Variants in SLC17A8 observed in about 807,000 individuals in gnomAD.
The protein encoded by SLC17A8 is vesicular glutamate transporter 3.
Under a neutral mutation model 58.0 loss-of-function variants are expected in SLC17A8, and 31 were observed. The observed-to-expected ratio is 0.53, with a 90% confidence interval of 0.40 to 0.72. The LOEUF is 0.72. Among genes scored for constraint, SLC17A8 ranks in the 30% least tolerant of loss-of-function variants. The pLI, the probability that SLC17A8 is intolerant of heterozygous loss-of-function variation, is 0.00. For synonymous variants in SLC17A8, 228 were observed against 249.0 expected (o/e 0.92, Z 0.79); for missense variants, 655 against 727.8 (o/e 0.90, Z 1.15).
intron 1 of SLC17A8, among the ~76,000 whole-genome samples, chr12:100,358,115 A>G (rs1952460893): frequency 6.6e-6 from 1 of 152,212 alleles, no homozygotes; most frequent in African/African-American, 2.4e-5. Context: ...TATTTTTTAA[A>G]GTAAAATATA....
intron 9 of SLC17A8, among the ~76,000 whole-genome samples, chr12:100,408,629 G>A (rs1952843317): frequency 6.6e-6 from 1 of 151,966 alleles, no homozygotes. Context: ...TTTTCCACTG[G>A]CAATCTGCTA....
chr12:100,394,398 C>CTTTT (rs34047250), intron 4 of SLC17A8, among the ~76,000 whole-genome samples: 7 of 112,754 alleles, frequency 6.2e-5, no homozygotes, highest in South Asian at 5.6e-4. Context: ...ACATCTTTTC[C>CTTTT]TTTTTTTTTT....
chr12:100,405,894 C>A (rs1319116040), intron 9 of SLC17A8, among the ~76,000 whole-genome samples: 1 of 152,162 alleles, frequency 6.6e-6, no homozygotes, highest in Non-Finnish European at 1.5e-5. Flanking sequence ...CTCCTGCAAT[C>A]CTAGCACTTT....
intron 1 of SLC17A8, among the ~76,000 whole-genome samples, chr12:100,359,625 C>A (rs1355058719): frequency 6.6e-6 from 1 of 152,024 alleles, no homozygotes; most frequent in Non-Finnish European, 1.5e-5. Context: ...TTTCAGTGAT[C>A]TATAGAGAGA....
At chr12:100,400,423 T>C (rs1417229056) in intron 5 of SLC17A8, among the ~76,000 whole-genome samples, 1 of 152,332 alleles carries the variant, frequency 6.6e-6, no homozygotes, top group East Asian at 1.9e-4. Context: ...CATAGTTTAT[T>C]TGAATCTCAA....
At chr12:100,364,745 T>C (rs1952508205) in intron 1 of SLC17A8, among the ~76,000 whole-genome samples, 1 of 152,162 alleles carries the variant, frequency 6.6e-6, no homozygotes, top group South Asian at 2.1e-4. Context: ...TGACCTCCAG[T>C]GAGGTCATTC....
intron 1 of SLC17A8, among the ~76,000 whole-genome samples, chr12:100,372,385 T>C (rs920063017): frequency 6.6e-6 from 1 of 152,188 alleles, no homozygotes; most frequent in Non-Finnish European, 1.5e-5. Context: ...TCTCACTCTG[T>C]CACCCAGCCT....
intron 1 of SLC17A8, among the ~76,000 whole-genome samples, chr12:100,364,117 T>C (rs916125337): frequency 5.9e-5 from 9 of 151,356 alleles, no homozygotes; most frequent in African/African-American, 2.2e-4. Flanking sequence ...GTGTGGTATA[T>C]GGTGGGGCTT....
At position 100,402,765 on chromosome 12, in the gene SLC17A8, A is replaced by G. The variant is rs766272041; in HGVS notation, c.1053+20A>G. ...AGTAAGGTAAACACACAGATGCTCC[A>G]AATATTTTTGAACTTTAAATCTCTT... On this transcript the variant is annotated intron_variant, in intron 8 of 11. Coordinates refer to ENST00000323346, the MANE Select transcript of SLC17A8 (RefSeq NM_139319.3). 1 of 1,604,274 alleles carries G rather than the reference A, an allele frequency of 6.2e-7. No homozygotes were observed. Among genetic ancestry groups the G allele is most frequent in the East Asian group, 2.2e-5 (1 of 44,798 alleles).
At chr12:100,360,641 G>A (rs7307648) in intron 1 of SLC17A8, among the ~76,000 whole-genome samples, 35,532 of 152,154 alleles carry the variant, frequency 0.23, 4,997 homozygotes, top group East Asian at 0.49. Flanking sequence ...GAGAGGTTAA[G>A]TAGCTTGCCC....
In SLC17A8 at chr12:100,390,981, A is replaced by G; in HGVS notation, c.355-20A>G. The stretch of plus-strand genomic sequence containing the variant: ...GCCTTTTTCTAACAAACACAACTAT[A>G]TCTGATTTCTCATTTCCAGACAGCA... On this transcript the variant is annotated intron_variant, in intron 2 of 11. Coordinates refer to ENST00000323346, the MANE Select transcript of SLC17A8 (RefSeq NM_139319.3). 6.6e-7 allele frequency: 1 copy of G among 1,523,074 alleles called. No homozygotes were observed. Among genetic ancestry groups the G allele is most frequent in the Non-Finnish European group, 9.1e-7 (1 of 1,096,830 alleles). The allele number at this position is 1,523,074 out of a possible 1,614,324, so 94.3% of individuals were successfully genotyped here.
At chr12:100,406,341 C>A (rs1331342626) in intron 9 of SLC17A8, among the ~76,000 whole-genome samples, 4 of 152,092 alleles carry the variant, frequency 2.6e-5, no homozygotes, top group Admixed American at 6.6e-5. Flanking sequence ...TGTGCAATGA[C>A]CCTGGGGCAG....
chr12:100,399,118 G>A (rs1016898876), intron 5 of SLC17A8, among the ~76,000 whole-genome samples: 2 of 152,132 alleles, frequency 1.3e-5, no homozygotes, highest in Admixed American at 6.5e-5. Context: ...GAGGCTGAGG[G>A]AGGAAAAAAG....
chr12:100,395,733 C>T (rs1566397877), intron 4 of SLC17A8, among the ~76,000 whole-genome samples: 1 of 152,156 alleles, frequency 6.6e-6, no homozygotes, highest in Non-Finnish European at 1.5e-5. Flanking sequence ...GTGCCTCAGC[C>T]TCCCAAGTAG....
intron 2 of SLC17A8, among the ~76,000 whole-genome samples, chr12:100,381,351 G>A (rs1952636141): frequency 6.6e-6 from 1 of 152,174 alleles, no homozygotes; most frequent in East Asian, 1.9e-4. Context: ...ACTGAGCCCT[G>A]TCCTCATGGA....
chr12:100,401,996 TTATC>T (rs1369994696), intron 6 of SLC17A8, 133 bp downstream of exon 6: 19 of 760,718 alleles, frequency 2.5e-5, no homozygotes, highest in African/African-American at 3.5e-5. Context: ...ATGGAATACT[TTATC>T]TATGATTTGA....
chr12:100,401,152 C>A (rs1252957188), intron 5 of SLC17A8, among the ~76,000 whole-genome samples: 1 of 151,888 alleles, frequency 6.6e-6, no homozygotes, highest in East Asian at 1.9e-4. Flanking sequence ...CACGCGCCAC[C>A]ATGCCAGGCT....
intron 9 of SLC17A8, among the ~76,000 whole-genome samples, chr12:100,410,275 C>T (rs1381543546): frequency 6.6e-6 from 1 of 151,736 alleles, no homozygotes; most frequent in Non-Finnish European, 1.5e-5. Flanking sequence ...GTGGGTGGAT[C>T]ACGAGGTCAG....
chr12:100,368,297 T>C (rs942194929), intron 1 of SLC17A8, among the ~76,000 whole-genome samples: 2 of 152,240 alleles, frequency 1.3e-5, no homozygotes, highest in Admixed American at 1.3e-4. Context: ...GGCTTGTGGA[T>C]GCATTGCTCC....
Sources: gnomAD v4.1 joint callset for allele counts (sites outside exome capture counted in the v4.1 genomes callset) on GRCh38, gnomAD v4.1.1 for gene constraint, MANE v1.5 for transcripts, NCBI Gene and HGNC (gene_info 2026-07-23, HGNC 2026-07-21) for gene names.